The following LSM5 variants were observed in gnomAD, a reference collection of about 807,000 sequenced individuals.
LSM5 encodes the protein LSM5 homolog, U6 small nuclear RNA and mRNA degradation associated, also known as U6 snRNA-associated Sm-like protein LSm5.
In LSM5, 8 loss-of-function variants were observed where a neutral mutation model predicts 13.8. That is an observed-to-expected ratio of 0.58 (90% confidence interval 0.34 to 1.04). The LOEUF (loss-of-function observed/expected upper bound fraction) is 1.04. Ranked by LOEUF, LSM5 falls within the 50% of genes least tolerant of loss-of-function variation. LSM5 has a pLI of 0.03. For missense variants in LSM5, 80 were observed against 108.1 expected, an observed-to-expected ratio of 0.74 and a Z score of 1.15; for synonymous variants, 35 against 37.0, an observed-to-expected ratio of 0.95 and a Z score of 0.20.
At chr7:32,490,406 G>T, upstream of LSM5, 2 of 1,545,142 alleles carry the variant, frequency 1.3e-6, no homozygotes, top group South Asian at 1.1e-5. Context: ...ATGGTGGGAC[G>T]ACTTTGAAAA....
At chr7:32,493,980 T>C (rs1263396075), upstream of LSM5, among the ~76,000 whole-genome samples, 1 of 151,822 alleles carries the variant, frequency 6.6e-6, no homozygotes, top group African/African-American at 2.4e-5. Flanking sequence ...GCCGTCCGAG[T>C]AGCTGGGATT....
upstream of LSM5, among the ~76,000 whole-genome samples, chr7:32,491,290 G>C (rs531066587): frequency 1.3e-5 from 2 of 151,956 alleles, no homozygotes; most frequent in South Asian, 2.1e-4. Context: ...CCAGCTACTC[G>C]GGAGGCAGAG....
intron 2 of LSM5, 79 bp from the exon 3 acceptor site, chr7:32,488,731 G>C: frequency 1.9e-6 from 2 of 1,059,616 alleles, no homozygotes; most frequent in African/African-American, 1.6e-5. Context: ...TTTTGTTTTT[G>C]TTTTTGTTTT....
At chr7:32,489,489 G>C in intron 1 of LSM5, 145 bp from the exon 2 acceptor site, 1 of 606,836 alleles carries the variant, frequency 1.6e-6, no homozygotes, top group South Asian at 2.0e-5. Context: ...ACAAATCTCA[G>C]TTCAAGCACA....
At chr7:32,494,379 C>T (rs1786682528), upstream of LSM5, among the ~76,000 whole-genome samples, 1 of 152,126 alleles carries the variant, frequency 6.6e-6, no homozygotes. Context: ...AAATGTATAG[C>T]AGCATCTTGA....
At chr7:32,489,984 C>A in intron 1 of LSM5, 1 of 1,256,388 alleles carries the variant, frequency 8.0e-7, no homozygotes, top group South Asian at 1.5e-5. Flanking sequence ...TCTATCTAAT[C>A]TGGGGATCGT....
chr7:32,487,152 C>T lies in LSM5; in HGVS notation c.*109G>A, dbSNP rs1045022494. 1.5e-5 allele frequency: 14 copies of T among 937,520 alleles called. No individual in the cohort carries two copies. Among genetic ancestry groups the T allele is most frequent in the South Asian group, 1.2e-4 (8 of 69,528 alleles). 58.1% of individuals were successfully genotyped at this position (937,520 alleles called of 1,614,324 possible). ...ACATCTTCAAAGCACTTCCCTTTAA[C>T]GGGAAACTTAGCTTTATGGGATTTA... On this transcript the variant is annotated 3_prime_UTR_variant, in exon 5 of 5. Coordinates refer to ENST00000450169, the MANE Select transcript of LSM5 (RefSeq NM_012322.3).
At chr7:32,491,270 G>A (rs10271931), upstream of LSM5, among the ~76,000 whole-genome samples, 1 of 151,808 alleles carries the variant, frequency 6.6e-6, no homozygotes, top group Middle Eastern at 3.2e-3. Context: ...GGTGGCGTGC[G>A]CCTGTAGTCC....
chr7:32,487,321 AATAACACTACCACCATGTC>A, intron 4 of LSM5, 28 bp from the exon 5 acceptor site: 4 of 1,604,154 alleles, frequency 2.5e-6, no homozygotes, highest in Non-Finnish European at 3.4e-6. Context: ...AGAGTTTATT[AATAACACTACCACCATGTC>A]ATCTAAAAAC....
At chr7:32,490,217 T>C (rs1432365816) in intron 1 of LSM5, 103 bp downstream of exon 1, 37 of 1,604,538 alleles carry the variant, frequency 2.3e-5, no homozygotes, top group African/African-American at 1.5e-4. Context: ...TTTGGTCTTA[T>C]ACATTTCCCC....
At position 32,489,352 on chromosome 7, in the gene LSM5, G is replaced by A; in HGVS notation, c.47-8C>T. 6.8e-7 allele frequency: 1 copy of A among 1,477,992 alleles called. No homozygotes were observed. The highest frequency in any genetic ancestry group is 9.4e-7 in the Non-Finnish European group (1 of 1,066,532). 91.6% of individuals were successfully genotyped at this position (1,477,992 alleles called of 1,614,324 possible). A position where few individuals can be genotyped will look rare whatever the true frequency, so the allele number is the denominator to read the frequency against. On this transcript the variant is annotated splice_region_variant and splice_polypyrimidine_tract_variant and intron_variant, in intron 1 of 4. Coordinates refer to ENST00000450169, the MANE Select transcript of LSM5 (RefSeq NM_012322.3). ...TACATTTGTCCACAAGCTCTGAGGA[G>A]GGAAAAAATATTATTTTACCATTCA...
Position 32,488,606 on chromosome 7 carries a change from A to C in LSM5, c.170+19T>G. ...TTTAATTAAGAAGAGATTCCCCCCAATTCTTTAACACTACTCACAACTCAG... is the reference window on the plus strand; with the variant it reads ...TTTAATTAAGAAGAGATTCCCCCCACTTCTTTAACACTACTCACAACTCAG... On this transcript the variant is annotated intron_variant, in intron 3 of 4. Coordinates refer to ENST00000450169, the MANE Select transcript of LSM5 (RefSeq NM_012322.3). 6.4e-7 allele frequency: 1 copy of C among 1,568,948 alleles called. No individual in the cohort carries two copies. Among genetic ancestry groups the C allele is most frequent in the African/African-American group, 1.4e-5 (1 of 74,026 alleles).
chr7:32,489,977 A>G (rs1302571851), intron 1 of LSM5: 5 of 1,223,992 alleles, frequency 4.1e-6, no homozygotes, highest in East Asian at 8.9e-5. Context: ...AACATGGTCT[A>G]TCTAATCTGG....
At position 32,487,193 on chromosome 7, in the gene LSM5, G is replaced by A; in HGVS notation, c.*68C>T. 1 of 1,412,720 alleles carries A rather than the reference G, an allele frequency of 7.1e-7. No homozygotes were observed. The highest frequency in any genetic ancestry group is 1.2e-5 in the South Asian group (1 of 84,940). 87.5% of individuals were successfully genotyped at this position (1,412,720 alleles called of 1,614,324 possible). A position where few individuals can be genotyped will look rare whatever the true frequency, so the allele number is the denominator to read the frequency against. ...ATGGGATTTAAACATTAGAAAGTGG[G>A]AAAAAAAATTCCATTTTCTTGTCAT... On this transcript the variant is annotated 3_prime_UTR_variant, in exon 5 of 5. Transcript: ENST00000450169.
rs7784803 is a variant in LSM5, at chr7:32,485,949, A to T, written c.*1312T>A. ...CATTCCAGTGAGACTCTCCAAAAAA[A>T]AAAAAAAAAAAAAAAAAAGGAAAAG... On this transcript the variant is annotated 3_prime_UTR_variant, in exon 5 of 5. Coordinates refer to ENST00000450169, the MANE Select transcript of LSM5 (RefSeq NM_012322.3). 1.5e-4 allele frequency: 7 copies of T among 45,888 alleles called. No individual in the cohort carries two copies. The highest frequency in any genetic ancestry group is 9.2e-4 in the Admixed American group (4 of 4,364). The allele number at this position is 45,888 out of a possible 1,614,324, so 2.8% of individuals were successfully genotyped here. A position where few individuals can be genotyped will look rare whatever the true frequency, so the allele number is the denominator to read the frequency against.
At chr7:32,488,777 G>A (rs1583462940) in intron 2 of LSM5, 125 bp from the exon 3 acceptor site, 1 of 685,600 alleles carries the variant, frequency 1.5e-6, no homozygotes, top group Non-Finnish European at 2.6e-6. Flanking sequence ...AGGCTTAAGT[G>A]CAGTGGTACA....
upstream of LSM5, among the ~76,000 whole-genome samples, chr7:32,491,447 A>AACGTCATT (rs1786585376): frequency 6.6e-6 from 1 of 151,770 alleles, no homozygotes; most frequent in Non-Finnish European, 1.5e-5. Flanking sequence ...GGCCACAAAG[A>AACGTCATT]ACGTCATTCA....
chr7:32,490,181 G>T, intron 1 of LSM5, 139 bp downstream of exon 1: 2 of 1,562,814 alleles, frequency 1.3e-6, no homozygotes, highest in Non-Finnish European at 1.7e-6. Flanking sequence ...CTGTCGCGAA[G>T]ACTTGGAGCT....
rs1562738093 is a variant in LSM5 at position 32,488,615 on chromosome 7, C to T, written c.170+10G>A. ...GAAGAGATTCCCCCCAATTCTTTAA[C>T]ACTACTCACAACTCAGTGACATCTT... On this transcript the variant is annotated intron_variant, in intron 3 of 4. Coordinates refer to ENST00000450169, the MANE Select transcript of LSM5 (RefSeq NM_012322.3). 3 of 1,586,370 alleles carry T rather than the reference C, an allele frequency of 1.9e-6. No individual in the cohort carries two copies. The highest frequency in any genetic ancestry group is 2.2e-5 in the East Asian group (1 of 44,616).
Sources: gnomAD v4.1 joint callset for allele counts (sites outside exome capture counted in the v4.1 genomes callset) on GRCh38, gnomAD v4.1.1 for gene constraint, MANE v1.5 for transcripts, NCBI Gene and HGNC (gene_info 2026-07-23, HGNC 2026-07-21) for gene names.